The following ADGRA3 variants were observed in gnomAD, a reference collection of about 807,000 sequenced individuals.
The protein encoded by ADGRA3 is adhesion G protein-coupled receptor A3.
ADGRA3 carries 56 observed loss-of-function variants against 119.8 expected under a neutral mutation model. That is an observed-to-expected ratio of 0.47 (90% CI 0.38 to 0.58). The LOEUF is 0.58. Ranked by LOEUF, ADGRA3 falls within the 20% of genes least tolerant of loss-of-function variation. The pLI, the probability that ADGRA3 is intolerant of heterozygous loss-of-function variation, is 0.00. For synonymous variants in ADGRA3, 607 were observed against 623.8 expected (o/e 0.97, Z 0.40); for missense variants, 1,516 against 1,649.0 (o/e 0.92, Z 1.40).
At chr4:22,389,283 AATT>A (rs1287010319) in intron 17 of ADGRA3, 100 bp from the exon 18 acceptor site, 4 of 778,030 alleles carry the variant, frequency 5.1e-6, no homozygotes, top group African/African-American at 3.5e-5. Context: ...CCTGAAGATT[AATT>A]ATTATCTTTA....
rs184038199 is a variant in ADGRA3, at chr4:22,426,056, C to T, written c.1444-1704G>A. Among the ~76,000 whole-genome samples, 552 of 152,234 alleles carry T rather than the reference C, an allele frequency of 3.6e-3. 3 individuals carry two copies. The highest frequency in any genetic ancestry group is 4.4e-3 in the Non-Finnish European group (299 of 68,018). On this transcript the variant is annotated intron_variant, in intron 10 of 18. Transcript: ENST00000334304. ...ATAATAAATACAAGGTTCCTAAAAC[C>T]GTGCCTGGCACATGGCAAGCACTCA...
chr4:22,473,162 C>T (rs1395729398), intron 2 of ADGRA3: 2 of 152,228 alleles, frequency 1.3e-5, no homozygotes, highest in Admixed American at 1.3e-4. Context: ...TGGCCTTCCA[C>T]CATGATTGTA....
At chr4:22,475,778 G>A (rs1292562315) in intron 1 of ADGRA3, among the ~76,000 whole-genome samples, 1 of 151,952 alleles carries the variant, frequency 6.6e-6, no homozygotes, top group Non-Finnish European at 1.5e-5. Flanking sequence ...TGGACTTCGA[G>A]GAAAGGGTGG....
At chr4:22,402,925 T>C in intron 14 of ADGRA3, 126 bp from the exon 15 acceptor site, 1 of 869,398 alleles carries the variant, frequency 1.2e-6, no homozygotes, top group Non-Finnish European at 1.7e-6. Flanking sequence ...TTTATTTTAT[T>C]CAGACTAATG....
At chr4:22,451,588 C>A (rs1198470093) in intron 4 of ADGRA3, among the ~76,000 whole-genome samples, 1 of 151,322 alleles carries the variant, frequency 6.6e-6, no homozygotes, top group Non-Finnish European at 1.5e-5. Context: ...CTCTGACACA[C>A]TTAAAGAAAG....
chr4:22,448,745 G>A (rs958572630), intron 4 of ADGRA3, among the ~76,000 whole-genome samples: 1 of 152,066 alleles, frequency 6.6e-6, no homozygotes, highest in Non-Finnish European at 1.5e-5. Flanking sequence ...GAACAACACT[G>A]GATTGGTTTT....
intron 16 of ADGRA3, among the ~76,000 whole-genome samples, chr4:22,398,850 T>TATCCATGCTCATATTCAC (rs1241428941): frequency 6.6e-6 from 1 of 152,200 alleles, no homozygotes; most frequent in African/African-American, 2.4e-5. Flanking sequence ...TGAATATTCA[T>TATCCATGCTCATATTCAC]ATCCATGCTC....
At chr4:22,457,927 T>C (rs549521912) in intron 3 of ADGRA3, among the ~76,000 whole-genome samples, 21 of 152,294 alleles carry the variant, frequency 1.4e-4, no homozygotes, top group African/African-American at 3.6e-4. Flanking sequence ...TATCTCAGCA[T>C]AGAGATAAAA....
chr4:22,439,275 G>A (rs1716517118), intron 7 of ADGRA3, among the ~76,000 whole-genome samples: 2 of 152,172 alleles, frequency 1.3e-5, no homozygotes, highest in Admixed American at 1.3e-4. Flanking sequence ...AGGTTTCTGT[G>A]TTAAGGTATA....
rs1176229804 is a variant in ADGRA3, at chr4:22,401,500, A to G, written c.2412T>C (p.His804=). The change falls in exon 16 of 19, where the codon CAT becomes CAC. Residue 804 remains histidine, a synonymous_variant. Coordinates refer to ENST00000334304, the MANE Select transcript of ADGRA3 (RefSeq NM_145290.4). ...SWHMLVNLCF[H]IFLTCVVFVG... ...CAAAGACCACACAGGTTAGGAAAAT[A>G]TGAAAGCACAAGTTCACAAGCATGT... 1 of 1,611,708 alleles carries G rather than the reference A, an allele frequency of 6.2e-7. No individual in the cohort carries two copies. Among genetic ancestry groups the G allele is most frequent in the East Asian group, 2.2e-5 (1 of 44,838 alleles).
chr4:22,482,297 A>C (rs918478872), intron 1 of ADGRA3, among the ~76,000 whole-genome samples: 3 of 152,204 alleles, frequency 2.0e-5, no homozygotes, highest in Non-Finnish European at 4.4e-5. Context: ...CAAAAAAAGA[A>C]CATAATGGTG....
chr4:22,500,931 T>C (rs1195071284), intron 1 of ADGRA3, among the ~76,000 whole-genome samples: 3 of 152,128 alleles, frequency 2.0e-5, no homozygotes, highest in Non-Finnish European at 4.4e-5. Context: ...GCAGGGCAAA[T>C]TCGCTCTGTG....
At chr4:22,455,871 TA>T in intron 3 of ADGRA3, 1 of 1,240,576 alleles carries the variant, frequency 8.1e-7, no homozygotes, top group South Asian at 1.3e-5. Context: ...AAGAAAACCC[TA>T]AAACAATGAA....
In ADGRA3 at chr4:22,447,545, T is replaced by C. The variant is rs1477869708; in HGVS notation, c.474-34A>G. On this transcript the variant is annotated intron_variant, in intron 4 of 18. Transcript: ENST00000334304. ...CAGAAAACAATTTCACTTTTAAAAA[T>C]ACAATTATCTATCATTTTATCCTAT... The C allele has an allele frequency of 8.4e-6, 10 of 1,189,358 alleles. No homozygotes were observed. In the African/African-American group the frequency reaches 1.2e-4, roughly 15 times the overall value. 73.7% of individuals were successfully genotyped at this position (1,189,358 alleles called of 1,614,324 possible).
intron 1 of ADGRA3, chr4:22,478,027 T>C (rs1718114312): frequency 6.6e-6 from 1 of 152,172 alleles, no homozygotes; most frequent in African/African-American, 2.4e-5. Flanking sequence ...AAATGAAAAA[T>C]ATAAAACTTG....
At chr4:22,515,494 CG>C (rs1560357011) in intron 1 of ADGRA3, 33 bp downstream of exon 1, 1 of 1,591,542 alleles carries the variant, frequency 6.3e-7, no homozygotes, top group South Asian at 1.1e-5. Context: ...AAGAGCCGAG[CG>C]GGAGAGGACC....
chr4:22,467,586 C>T (rs971112589), intron 2 of ADGRA3, among the ~76,000 whole-genome samples: 1 of 152,168 alleles, frequency 6.6e-6, no homozygotes, highest in Non-Finnish European at 1.5e-5. Flanking sequence ...TGATGAACTG[C>T]ATATGTTTCT....
intron 12 of ADGRA3, among the ~76,000 whole-genome samples, chr4:22,418,207 C>A (rs1715505428): frequency 6.6e-6 from 1 of 152,148 alleles, no homozygotes; most frequent in South Asian, 2.1e-4. Context: ...GCTCTGTCAC[C>A]AACTGGTGAC....
At chr4:22,402,840 T>A in intron 14 of ADGRA3, 41 bp from the exon 15 acceptor site, 2 of 1,575,978 alleles carry the variant, frequency 1.3e-6, no homozygotes, top group Non-Finnish European at 1.7e-6. Flanking sequence ...AGTACTTCTC[T>A]CCACATTTAA....
Sources: gnomAD v4.1 joint callset for allele counts (sites outside exome capture counted in the v4.1 genomes callset) on GRCh38, gnomAD v4.1.1 for gene constraint, MANE v1.5 for transcripts, NCBI Gene and HGNC (gene_info 2026-07-23, HGNC 2026-07-21) for gene names.